SLAMF1: variants seen among roughly 807,000 people sequenced by gnomAD.
SLAMF1 encodes signaling lymphocytic activation molecule family member 1.
A neutral mutation model predicts 35.1 loss-of-function variants in SLAMF1; 18 were observed. The observed-to-expected ratio is 0.51, with a 90% CI of 0.35 to 0.76. SLAMF1 has a LOEUF of 0.76. SLAMF1 is among the 30% of genes least tolerant of loss of function. The probability of loss-of-function intolerance (pLI) is 0.01; values close to 1 mark genes in which losing one functional copy is unlikely to be tolerated. For missense variants in SLAMF1, 392 were observed against 413.0 expected (o/e 0.95, Z 0.44); for synonymous variants, 168 against 157.2 (o/e 1.07, Z -0.51).
intron 3 of SLAMF1, among the ~76,000 whole-genome samples, chr1:160,625,408 C>A (rs958489982): frequency 6.6e-6 from 1 of 152,116 alleles, no homozygotes; most frequent in African/African-American, 2.4e-5. Context: ...ATGGTGGACA[C>A]AATCAGATGT....
intron 5 of SLAMF1, among the ~76,000 whole-genome samples, chr1:160,614,302 G>T (rs55841347): frequency 6.6e-6 from 1 of 152,058 alleles, no homozygotes; most frequent in African/African-American, 2.4e-5. Context: ...TTGGCCGGGC[G>T]TGGTGGCTCA....
intron 1 of SLAMF1, among the ~76,000 whole-genome samples, chr1:160,641,640 T>C (rs1339324646): frequency 6.6e-6 from 1 of 151,962 alleles, no homozygotes; most frequent in Admixed American, 6.6e-5. Flanking sequence ...ACATAAAGAA[T>C]GATGACGCAA....
At position 160,637,271 on chromosome 1, in the gene SLAMF1, T is replaced by C. The variant is rs1660500799; in HGVS notation, c.335A>G (p.Lys112Arg). ...NLTLGIRESR[K>R]EDEGWYLMTL... ...CATAAGGTACCATCCCTCATCCTCC[T>C]TCCTGCTTTCCCGTATCCCCAGGGT... is the stretch of plus-strand genomic sequence containing the variant. The change falls in exon 2 of 7, where the codon AAG (lysine) becomes AGG (arginine). Residue 112 changes from lysine to arginine, a missense_variant. Coordinates refer to ENST00000302035, the MANE Select transcript of SLAMF1 (RefSeq NM_003037.5). The C allele has an allele frequency of 6.2e-7, 1 of 1,614,010 alleles. No homozygotes were observed. Among genetic ancestry groups the C allele is most frequent in the South Asian group, 1.1e-5 (1 of 91,080 alleles).
intron 3 of SLAMF1, among the ~76,000 whole-genome samples, chr1:160,633,346 T>G (rs2102332214): frequency 6.6e-6 from 1 of 152,244 alleles, no homozygotes; most frequent in South Asian, 2.1e-4. Flanking sequence ...TGCAGGGGGT[T>G]AGACTCATTC....
At chr1:160,629,881 T>TAG (rs914955967) in intron 3 of SLAMF1, among the ~76,000 whole-genome samples, 7 of 152,168 alleles carry the variant, frequency 4.6e-5, no homozygotes, top group Non-Finnish European at 1.0e-4. Flanking sequence ...GGGAAGACCC[T>TAG]AGAGAGAGAC....
chr1:160,622,940 A>G (rs1659696747), intron 4 of SLAMF1, among the ~76,000 whole-genome samples: 1 of 152,218 alleles, frequency 6.6e-6, no homozygotes. Context: ...CAGCAACTAA[A>G]TATAAATTTT....
chr1:160,641,514 A>G (rs1316060366), intron 1 of SLAMF1, among the ~76,000 whole-genome samples: 1 of 152,178 alleles, frequency 6.6e-6, no homozygotes, highest in African/African-American at 2.4e-5. Context: ...AGAAGGAGAA[A>G]GAGGAAGAGG....
chr1:160,630,022 T>TAACTCAGAGGTGCTGAGCC, intron 3 of SLAMF1, among the ~76,000 whole-genome samples: 1 of 152,252 alleles, frequency 6.6e-6, no homozygotes, highest in Non-Finnish European at 1.5e-5. Context: ...TTCACTGAGC[T>TAACTCAGAGGTGCTGAGCC]AACTCAGAGG....
At chr1:160,635,323 G>A (rs4656922) in intron 2 of SLAMF1, among the ~76,000 whole-genome samples, 192 of 152,288 alleles carry the variant, frequency 1.3e-3, no homozygotes, top group Middle Eastern at 6.8e-3. Context: ...GTGTGTGGGA[G>A]GGTGTGTGTG....
intron 5 of SLAMF1, among the ~76,000 whole-genome samples, chr1:160,614,862 CTTA>C (rs1456207866): frequency 6.6e-6 from 1 of 151,998 alleles, no homozygotes; most frequent in Non-Finnish European, 1.5e-5. Flanking sequence ...ATTTTTGTAT[CTTA>C]TTATCTTCTG....
intron 3 of SLAMF1, among the ~76,000 whole-genome samples, chr1:160,628,388 C>A (rs1659991750): frequency 6.6e-6 from 1 of 152,150 alleles, no homozygotes; most frequent in African/African-American, 2.4e-5. Context: ...ACCATCCAAC[C>A]CACACCCAGA....
Position 160,609,886 on chromosome 1 carries a change from G to C in SLAMF1, c.*862C>G, listed in dbSNP as rs895844148. 11 of 169,994 alleles carry C rather than the reference G, an allele frequency of 6.5e-5. No individual in the cohort carries two copies. Among genetic ancestry groups the C allele is most frequent in the African/African-American group, 2.4e-4 (10 of 41,540 alleles). The allele number at this position is 169,994 out of a possible 1,614,324, so 10.5% of individuals were successfully genotyped here. On this transcript the variant is annotated 3_prime_UTR_variant, in exon 7 of 7. Transcript: ENST00000302035. ...TCTTAGCTGAGGTTCCAGGTTTGTT[G>C]TTCAAGGGAATCAACAGAGAACTGG...
chr1:160,645,366 C>T (rs1660983881), intron 1 of SLAMF1, among the ~76,000 whole-genome samples: 1 of 152,168 alleles, frequency 6.6e-6, no homozygotes. Context: ...TGTGAAGATT[C>T]AAAGAAGAAA....
At position 160,608,490 on chromosome 1, in the gene SLAMF1, G is replaced by A. The variant is rs1181252716; in HGVS notation, c.*2258C>T. 1 of 152,246 alleles carries A rather than the reference G, an allele frequency of 6.6e-6. No homozygotes were observed. The highest frequency in any genetic ancestry group is 2.4e-5 in the African/African-American group (1 of 41,458). 9.4% of individuals were successfully genotyped at this position (152,246 alleles called of 1,614,324 possible). ...GAGAGTTGTGAATGTATCACCAGAA[G>A]GGGTTGTTTTACCACGTGTAACCAT... On this transcript the variant is annotated 3_prime_UTR_variant, in exon 7 of 7. Transcript: ENST00000302035.
chr1:160,634,900 G>A lies in SLAMF1; in HGVS notation c.416-3C>T. 1 of 1,603,516 alleles carries A rather than the reference G, an allele frequency of 6.2e-7. No homozygotes were observed. Among genetic ancestry groups the A allele is most frequent in the South Asian group, 1.1e-5 (1 of 90,452 alleles). ...AATTTCTGGAGTGGAGACCTGCTCT[G>A]TCAGGAGTGGGAGGAAGGGAGCCAT... On this transcript the variant is annotated splice_polypyrimidine_tract_variant and splice_region_variant and intron_variant, in intron 2 of 6. Transcript: ENST00000302035.
intron 1 of SLAMF1, among the ~76,000 whole-genome samples, chr1:160,645,916 C>A (rs982112774): frequency 6.6e-6 from 1 of 152,050 alleles, no homozygotes; most frequent in African/African-American, 2.4e-5. Flanking sequence ...CTTAAAACAC[C>A]CTGGGCCTCA....
rs191005360 is a variant in SLAMF1, at chr1:160,609,167, G to T, written c.*1581C>A. On this transcript the variant is annotated 3_prime_UTR_variant, in exon 7 of 7. Transcript: ENST00000302035. Reference sequence around the variant, plus strand: ...GTGCCTAGTGCTGGGGACAGTGGCTGTGCATGAACAGGATCATCATCCCTG... The same window carrying T: ...GTGCCTAGTGCTGGGGACAGTGGCTTTGCATGAACAGGATCATCATCCCTG... The T allele has an allele frequency of 6.6e-6, 1 of 152,284 alleles. No individual in the cohort carries two copies. The highest frequency in any genetic ancestry group is 2.4e-5 in the African/African-American group (1 of 41,442). 9.4% of individuals were successfully genotyped at this position (152,284 alleles called of 1,614,324 possible).
intron 2 of SLAMF1, among the ~76,000 whole-genome samples, chr1:160,635,104 T>A (rs1473872212): frequency 6.6e-6 from 1 of 152,164 alleles, no homozygotes; most frequent in Non-Finnish European, 1.5e-5. Context: ...AAATAGAAAA[T>A]AAGAATTTGC....
chr1:160,634,537 G>A (rs1202583908), intron 3 of SLAMF1, 76 bp downstream of exon 3: 7 of 1,463,340 alleles, frequency 4.8e-6, no homozygotes, highest in Admixed American at 2.2e-5. Context: ...TGCCATGGCT[G>A]GGGAGCAATT....
Sources: allele counts gnomAD v4.1 joint callset (sites outside exome capture counted in the v4.1 genomes callset), GRCh38; gene constraint gnomAD v4.1.1; transcripts MANE v1.5; gene names NCBI Gene and HGNC (gene_info 2026-07-23, HGNC 2026-07-21).